Variants in BANK1 observed in about 807,000 individuals in gnomAD.
The protein encoded by BANK1 is B cell scaffold protein with ankyrin repeats 1, also known as B-cell scaffold protein with ankyrin repeats.
BANK1 carries 95 observed loss-of-function variants against 94.5 expected under a neutral mutation model. The ratio of observed to expected loss-of-function variants is 1.00; its 90% CI spans 0.85 to 1.19. BANK1 has a LOEUF of 1.19. BANK1 is among the 50% of genes most tolerant of loss of function. The pLI is 0.00. For synonymous variants in BANK1, 334 were observed against 308.4 expected (o/e 1.08, Z -0.87); for missense variants, 987 against 932.2 (o/e 1.06, Z -0.77).
chr4:101,805,724 T>C (rs1423623008), intron 1 of BANK1, among the ~76,000 whole-genome samples: 1 of 151,714 alleles, frequency 6.6e-6, no homozygotes, highest in East Asian at 1.9e-4. Context: ...GAATGCCACA[T>C]GAACAGCCTC....
At chr4:102,031,043 T>A (rs554114674) in intron 10 of BANK1, among the ~76,000 whole-genome samples, 1 of 152,352 alleles carries the variant, frequency 6.6e-6, no homozygotes, top group South Asian at 2.1e-4. Context: ...TGAACTAATT[T>A]ACACTCCCAC....
intron 7 of BANK1, among the ~76,000 whole-genome samples, chr4:101,988,154 G>T (rs762150761): frequency 1.3e-5 from 2 of 152,152 alleles, no homozygotes; most frequent in Non-Finnish European, 2.9e-5. Flanking sequence ...TATCATTAGA[G>T]ATCCTTCATA....
chr4:102,071,388 G>A (rs1368242410), intron 14 of BANK1, 84 bp downstream of exon 14: 1 of 1,327,466 alleles, frequency 7.5e-7, no homozygotes, highest in Non-Finnish European at 1.1e-6. Flanking sequence ...TAAACCTAAT[G>A]TGATTAAGCA....
At chr4:101,995,901 T>A (rs1725862183) in intron 7 of BANK1, among the ~76,000 whole-genome samples, 1 of 152,212 alleles carries the variant, frequency 6.6e-6, no homozygotes, top group Admixed American at 6.5e-5. Context: ...AGGTTTCCTT[T>A]TCACTCTGAT....
intron 1 of BANK1, among the ~76,000 whole-genome samples, 190 bp downstream of exon 1, chr4:101,791,140 G>T (rs1724969136): frequency 6.6e-6 from 1 of 152,232 alleles, no homozygotes; most frequent in Non-Finnish European, 1.5e-5. Context: ...TCTCTGAGGG[G>T]CATCTGGACG....
At chr4:102,025,568 C>A in intron 9 of BANK1, 59 bp downstream of exon 9, 2 of 1,512,830 alleles carry the variant, frequency 1.3e-6, no homozygotes, top group Non-Finnish European at 1.8e-6. Context: ...GACAGGCTTA[C>A]ATAGCAAATA....
At chr4:101,897,877 T>A (rs905537935) in intron 6 of BANK1, among the ~76,000 whole-genome samples, 7 of 151,744 alleles carry the variant, frequency 4.6e-5, no homozygotes, top group Non-Finnish European at 1.0e-4. Context: ...CAGAAAAAAA[T>A]ATTACCCTCT....
rs928672775 is a variant in BANK1, at chr4:102,074,374, C to T, written c.*375C>T. On this transcript the variant is annotated 3_prime_UTR_variant, in exon 17 of 17. Transcript: ENST00000322953. ...AGGGCACTAACCTCAACAGATTATT[C>T]CTCCTCTCCTTAGAATAACCATGAA... 1 of 152,008 alleles carries T rather than the reference C, an allele frequency of 6.6e-6. No homozygotes were observed. The highest frequency in any genetic ancestry group is 2.4e-5 in the African/African-American group (1 of 41,420). The allele number at this position is 152,008 out of a possible 1,614,324, so 9.4% of individuals were successfully genotyped here. A position where few individuals can be genotyped will look rare whatever the true frequency, so the allele number is the denominator to read the frequency against.
chr4:101,891,807 T>C (rs573611297), intron 5 of BANK1, among the ~76,000 whole-genome samples: 147 of 152,222 alleles, frequency 9.7e-4, no homozygotes, highest in African/African-American at 3.3e-3. Context: ...ATTACTGTAT[T>C]TTCAGTTCTA....
intron 7 of BANK1, among the ~76,000 whole-genome samples, chr4:101,966,081 G>A (rs991013136): frequency 6.6e-6 from 1 of 151,974 alleles, no homozygotes; most frequent in African/African-American, 2.4e-5. Context: ...TTGTTCTTCT[G>A]TTCTATTAGA....
At chr4:102,042,391 A>C (rs1268453862) in intron 10 of BANK1, among the ~76,000 whole-genome samples, 6 of 152,030 alleles carry the variant, frequency 3.9e-5, no homozygotes, top group Admixed American at 6.6e-5. Context: ...TTTCAACCAA[A>C]AATATGATTT....
intron 7 of BANK1, among the ~76,000 whole-genome samples, chr4:102,011,249 T>C (rs1371834589): frequency 6.6e-6 from 1 of 152,208 alleles, no homozygotes; most frequent in Non-Finnish European, 1.5e-5. Context: ...CTTAAGGCAT[T>C]CACAGGAGTT....
At chr4:101,861,671 A>G (rs973778283) in intron 3 of BANK1, among the ~76,000 whole-genome samples, 24 of 150,390 alleles carry the variant, frequency 1.6e-4, no homozygotes, top group African/African-American at 5.4e-4. Context: ...TGGTATGTGT[A>G]TGTGTGTGTG....
intron 7 of BANK1, among the ~76,000 whole-genome samples, chr4:101,979,042 A>G (rs1725235784): frequency 6.6e-6 from 1 of 152,024 alleles, no homozygotes; most frequent in South Asian, 2.1e-4. Flanking sequence ...ATTGTCAAAG[A>G]GTATAGGACA....
intron 2 of BANK1, among the ~76,000 whole-genome samples, chr4:101,838,700 A>C (rs1300908498): frequency 1.3e-5 from 2 of 152,222 alleles, no homozygotes; most frequent in Admixed American, 6.5e-5. Flanking sequence ...CCAAGGTCCA[A>C]AGAAATCTAC....
In BANK1 at chr4:102,029,611, AATAT is replaced by A. The variant is rs939033155; in HGVS notation, c.1595-340_1595-337del. On this transcript the variant is annotated intron_variant, in intron 9 of 16. Transcript: ENST00000322953. ...TATATATGAAATAATATATAAAAAT[AATAT>A]ATATATATTGCTCTCTCTCTACACA... is the stretch of plus-strand genomic sequence containing the variant. Among the ~76,000 whole-genome samples the A allele has an allele frequency of 7.4e-5, 11 of 148,274 alleles. No homozygotes were observed. In the South Asian group the frequency reaches 1.5e-3, roughly 20 times the overall value.
At chr4:101,829,643 T>A (rs1432715822) in intron 1 of BANK1, among the ~76,000 whole-genome samples, 165 bp from the exon 2 acceptor site, 1 of 152,150 alleles carries the variant, frequency 6.6e-6, no homozygotes, top group African/African-American at 2.4e-5. Context: ...ATTCTAGTTT[T>A]ATTTAATCTA....
At chr4:101,882,221 C>A (rs557628735) in intron 5 of BANK1, among the ~76,000 whole-genome samples, 1 of 151,752 alleles carries the variant, frequency 6.6e-6, no homozygotes, top group Non-Finnish European at 1.5e-5. Context: ...CCACAGAAAT[C>A]AAAATTTAAA....
In BANK1 at chr4:101,885,953, T is replaced by C. The variant is rs182957315; in HGVS notation, c.904-9352T>C. On this transcript the variant is annotated intron_variant, in intron 5 of 16. Coordinates refer to ENST00000322953, the MANE Select transcript of BANK1 (RefSeq NM_017935.5). ...CAACTATAACACAATAGGAAGTAGT[T>C]GTATATCTGAACATATCTAAGCATA... Among the ~76,000 whole-genome samples the C allele has an allele frequency of 7.2e-5, 11 of 152,346 alleles. No homozygotes were observed. The East Asian group carries it at 2.1e-3, about 29-fold the overall frequency.
Sources: gnomAD v4.1 joint callset for allele counts (sites outside exome capture counted in the v4.1 genomes callset) on GRCh38, gnomAD v4.1.1 for gene constraint, MANE v1.5 for transcripts, NCBI Gene and HGNC (gene_info 2026-07-23, HGNC 2026-07-21) for gene names.